NUP210L: variants seen among roughly 807,000 people sequenced by gnomAD.
NUP210L encodes nucleoporin 210 like.
A neutral mutation model predicts 208.5 loss-of-function variants in NUP210L; 74 were observed. The observed-to-expected ratio is 0.35, with a 90% CI of 0.29 to 0.43. NUP210L has a LOEUF of 0.43. Among genes scored for constraint, NUP210L ranks in the 20% least tolerant of loss-of-function variants. The pLI, the probability that NUP210L is intolerant of heterozygous loss-of-function variation, is 1.00. For synonymous variants in NUP210L, 780 were observed against 816.9 expected, an observed-to-expected ratio of 0.95 and a Z score of 0.77; for missense variants, 1,843 against 2,289.4, an observed-to-expected ratio of 0.81 and a Z score of 3.98.
At chr1:154,067,910 G>A (rs1474561841) in intron 17 of NUP210L, among the ~76,000 whole-genome samples, 1 of 152,116 alleles carries the variant, frequency 6.6e-6, no homozygotes, top group Non-Finnish European at 1.5e-5. Context: ...ACCTCTTCAA[G>A]GAGAACTACA....
intron 10 of NUP210L, among the ~76,000 whole-genome samples, chr1:154,119,024 TG>T (rs1266331256): frequency 2.0e-5 from 3 of 152,112 alleles, no homozygotes; most frequent in Non-Finnish European, 4.4e-5. Flanking sequence ...AAAAGGGTTT[TG>T]CTAGACCTAA....
intron 33 of NUP210L, among the ~76,000 whole-genome samples, chr1:154,012,726 C>CCG (rs1000884670): frequency 6.6e-6 from 1 of 151,268 alleles, no homozygotes; most frequent in Non-Finnish European, 1.5e-5. Flanking sequence ...ACGGGGTCAG[C>CCG]CGCGCGCGGT....
chr1:154,049,659 A>C (rs1171253698), intron 25 of NUP210L, among the ~76,000 whole-genome samples: 1 of 152,214 alleles, frequency 6.6e-6, no homozygotes, highest in Non-Finnish European at 1.5e-5. Flanking sequence ...TTTGTTATTA[A>C]GAAAAAATCA....
At chr1:154,123,082 A>G (rs1284780763) in intron 10 of NUP210L, among the ~76,000 whole-genome samples, 1 of 150,818 alleles carries the variant, frequency 6.6e-6, no homozygotes, top group Non-Finnish European at 1.5e-5. Context: ...ACAAAAAACT[A>G]CTAGAGCTAA....
At chr1:154,138,856 C>A (rs1658690793) in intron 5 of NUP210L, among the ~76,000 whole-genome samples, 1 of 152,090 alleles carries the variant, frequency 6.6e-6, no homozygotes, top group African/African-American at 2.4e-5. Context: ...AAGTTAAAGG[C>A]AAGCTGCTAA....
chr1:154,061,380 A>G (rs1425591782), intron 18 of NUP210L, among the ~76,000 whole-genome samples: 1 of 149,998 alleles, frequency 6.7e-6, no homozygotes, highest in Non-Finnish European at 1.5e-5. Flanking sequence ...TTCATCTCAA[A>G]TAATAATAAT....
Position 154,071,723 on chromosome 1 carries a change from C to T in NUP210L, c.2362-1258G>A, listed in dbSNP as rs199854411. 5.4e-4 allele frequency among the ~76,000 whole-genome samples: 82 copies of T among 150,508 alleles called. No homozygotes were observed. In the East Asian group the frequency reaches 0.012, roughly 22 times the overall value. ...CAATTTTGGCTCACTGCAACCTCCGCCTCCTGGGTTCAAGCGATTCCCCTG... is the reference window on the plus strand; with the variant it reads ...CAATTTTGGCTCACTGCAACCTCCGTCTCCTGGGTTCAAGCGATTCCCCTG... On this transcript the variant is annotated intron_variant, in intron 16 of 39. Coordinates refer to ENST00000368559, the Ensembl canonical transcript of NUP210L.
intron 12 of NUP210L, among the ~76,000 whole-genome samples, chr1:154,111,255 C>T (rs1657026912): frequency 1.3e-5 from 2 of 151,160 alleles, no homozygotes; most frequent in African/African-American, 4.9e-5. Flanking sequence ...TGGTAGCAGG[C>T]GCCTATAATC....
At chr1:154,126,566 A>AATAGTTTTATAGTTCATAGTTTT in intron 9 of NUP210L, 103 bp from the exon 10 acceptor site, 1 of 995,620 alleles carries the variant, frequency 1.0e-6, no homozygotes, top group Non-Finnish European at 1.4e-6. Flanking sequence ...GCATTCATGG[A>AATAGTTTTATAGTTCATAGTTTT]ATAAAGAGAT....
chr1:154,029,685 C>T (rs1445711767), intron 28 of NUP210L, among the ~76,000 whole-genome samples: 1 of 152,020 alleles, frequency 6.6e-6, no homozygotes, highest in Non-Finnish European at 1.5e-5. Flanking sequence ...AGCGAAACTC[C>T]GTCTCAAAAC....
chr1:154,035,938 T>G (rs111758598), intron 27 of NUP210L, among the ~76,000 whole-genome samples: 1 of 151,732 alleles, frequency 6.6e-6, no homozygotes, highest in Non-Finnish European at 1.5e-5. Flanking sequence ...TTTCACCATC[T>G]TGGCCAGGCT....
rs372297049 is a variant in NUP210L at position 154,075,483 on chromosome 1, A to T, written c.2362-5018T>A. On this transcript the variant is annotated intron_variant, in intron 16 of 39. Transcript: ENST00000368559. ...CCAATAATTAGCTGACCATGAAGCT[A>T]ACTAAGCAGAGACTTTTAGTGGCCA... is the stretch of plus-strand genomic sequence containing the variant. 2.0e-5 allele frequency among the ~76,000 whole-genome samples: 3 copies of T among 152,252 alleles called. No homozygotes were observed. In the East Asian group the frequency reaches 5.8e-4, roughly 29 times the overall value.
Position 154,048,078 on chromosome 1 carries a change from A to G in NUP210L, c.3484-1709T>C, listed in dbSNP as rs1326581488. On this transcript the variant is annotated intron_variant, in intron 25 of 39. Coordinates refer to ENST00000368559, the Ensembl canonical transcript of NUP210L. ...TGATGATGTGGAGGAAGGAAAGTAT[A>G]TCGAAATAACAGAAGAGGTGAAAGA... 3.3e-5 allele frequency among the ~76,000 whole-genome samples: 5 copies of G among 152,188 alleles called. No homozygotes were observed. The East Asian group carries it at 9.6e-4, about 29-fold the overall frequency.
At chr1:154,016,466 C>T (rs1651253945) in intron 33 of NUP210L, among the ~76,000 whole-genome samples, 1 of 152,092 alleles carries the variant, frequency 6.6e-6, no homozygotes, top group African/African-American at 2.4e-5. Context: ...AAGAATATTA[C>T]TCCCTCCAGC....
intron 27 of NUP210L, among the ~76,000 whole-genome samples, chr1:154,043,947 G>A (rs1338409523): frequency 6.6e-6 from 1 of 152,020 alleles, no homozygotes; most frequent in African/African-American, 2.4e-5. Context: ...ATTTGCCTAT[G>A]CTAGATCTGA....
intron 4 of NUP210L, among the ~76,000 whole-genome samples, chr1:154,140,896 AG>A (rs777798853): frequency 1.9e-4 from 29 of 149,922 alleles, no homozygotes; most frequent in Non-Finnish European, 3.1e-4. Flanking sequence ...TAGGAGGCTG[AG>A]GCAGGAGAAT....
exon 32 of NUP210L, chr1:154,022,318 C>T: frequency 6.2e-7 from 1 of 1,614,096 alleles, no homozygotes. Context: ...TTCTTATTCC[C>T]TGGTCCAATA....
At chr1:154,027,767 C>T (rs1180141582) in intron 28 of NUP210L, among the ~76,000 whole-genome samples, 170 bp from the exon 29 acceptor site, 2 of 152,142 alleles carry the variant, frequency 1.3e-5, no homozygotes, top group Non-Finnish European at 2.9e-5. Context: ...ATACTCCTCT[C>T]CAAAATGAAC....
intron 37 of NUP210L, chr1:153,995,528 T>C: frequency 3.2e-6 from 2 of 623,984 alleles, no homozygotes; most frequent in Admixed American, 4.7e-5. Context: ...GAGCTTGTTA[T>C]TTCTTCCTCT....
Sources: gnomAD v4.1 joint callset for allele counts (sites outside exome capture counted in the v4.1 genomes callset) on GRCh38, gnomAD v4.1.1 for gene constraint, MANE v1.5 for transcripts, NCBI Gene and HGNC (gene_info 2026-07-23, HGNC 2026-07-21) for gene names.